Variants in TOM1L2 observed in about 807,000 individuals in gnomAD.
TOM1L2 encodes the protein target of myb1 like 2 membrane trafficking protein.
In TOM1L2, 31 loss-of-function variants were observed where a neutral mutation model predicts 67.9. That is an observed-to-expected ratio of 0.46 (90% CI 0.34 to 0.62). The LOEUF (loss-of-function observed/expected upper bound fraction) is 0.62, where lower values mean the gene tolerates loss of function less well. Among genes scored for constraint, TOM1L2 ranks in the 20% least tolerant of loss-of-function variants. TOM1L2 has a pLI of 0.01. For synonymous variants in TOM1L2, 256 were observed against 254.0 expected (o/e 1.01, Z -0.07); for missense variants, 606 against 663.5 (o/e 0.91, Z 0.95).
intron 3 of TOM1L2, among the ~76,000 whole-genome samples, chr17:17,897,052 C>T (rs1032078160): frequency 6.6e-6 from 1 of 152,210 alleles, no homozygotes; most frequent in East Asian, 1.9e-4. Flanking sequence ...CAGTGTCCAT[C>T]ATGCCCTGCT....
At chr17:17,945,603 C>T (rs868277515) in intron 1 of TOM1L2, among the ~76,000 whole-genome samples, 55 of 152,174 alleles carry the variant, frequency 3.6e-4, no homozygotes, top group African/African-American at 1.2e-3. Context: ...TACCCATCTT[C>T]TCTCTATTTA....
chr17:17,919,997 C>T (rs546225945), intron 1 of TOM1L2, among the ~76,000 whole-genome samples: 56 of 152,120 alleles, frequency 3.7e-4, no homozygotes, highest in Non-Finnish European at 7.3e-4. Context: ...GTAAGCCTGG[C>T]CTTGGACCCT....
chr17:17,857,953 C>A (rs1025782183), intron 12 of TOM1L2: 1 of 1,132,148 alleles, frequency 8.8e-7, no homozygotes, highest in Admixed American at 2.0e-5. Flanking sequence ...TCCTTTGCCA[C>A]GTAAGGAAAT....
chr17:17,858,456 A>G (rs2036370606), intron 12 of TOM1L2: 1 of 152,198 alleles, frequency 6.6e-6, no homozygotes, highest in African/African-American at 2.4e-5. Context: ...TTGCTCTGTC[A>G]CCCAGCCTGG....
intron 1 of TOM1L2, among the ~76,000 whole-genome samples, chr17:17,960,965 A>G (rs561829268): frequency 6.6e-6 from 1 of 152,360 alleles, no homozygotes; most frequent in Admixed American, 6.5e-5. Context: ...TTTGTGCATT[A>G]AAGGACACTA....
Position 17,972,304 on chromosome 17 carries a change from G to A in TOM1L2, c.10C>T (p.Leu4Phe). Residue 4 changes from leucine to phenylalanine, a missense_variant, in exon 1 of 15, where the codon CTC (leucine) becomes TTC (phenylalanine). Physicochemically the swap from Leu to Phe is conservative, Grantham distance 22. Coordinates refer to ENST00000379504, the MANE Select transcript of TOM1L2 (RefSeq NM_001082968.2). MEFLLGNPFSTPVG... is the reference protein window; with the variant it reads MEFFLGNPFSTPVG... Reference sequence around the variant, plus strand: ...GGTGTGCTGAACGGGTTCCCCAGGAGGAACTCCATCTTGGGTGGACAACAC... The same window carrying A: ...GGTGTGCTGAACGGGTTCCCCAGGAAGAACTCCATCTTGGGTGGACAACAC... The A allele has an allele frequency of 1.3e-6, 2 of 1,551,776 alleles. No homozygotes were observed. Among genetic ancestry groups the A allele is most frequent in the Non-Finnish European group, 1.7e-6 (2 of 1,148,254 alleles).
chr17:17,887,063 C>T (rs919111986), intron 4 of TOM1L2, among the ~76,000 whole-genome samples: 2 of 152,252 alleles, frequency 1.3e-5, no homozygotes, highest in African/African-American at 4.8e-5. Flanking sequence ...ATTTGGAAGG[C>T]CTTCCTGATA....
At chr17:17,904,835 C>T (rs2039017242) in intron 2 of TOM1L2, among the ~76,000 whole-genome samples, 1 of 152,208 alleles carries the variant, frequency 6.6e-6, no homozygotes, top group Admixed American at 6.5e-5. Flanking sequence ...TTTCTCCTGC[C>T]ATCCTGGAAG....
chr17:17,922,987 C>T (rs555904865), intron 1 of TOM1L2, among the ~76,000 whole-genome samples: 228 of 152,242 alleles, frequency 1.5e-3, no homozygotes, highest in African/African-American at 5.1e-3. Context: ...AACCAGGGAC[C>T]GCAGGCATCA....
chr17:17,870,118 T>C (rs1236300048), intron 7 of TOM1L2, among the ~76,000 whole-genome samples: 1 of 152,202 alleles, frequency 6.6e-6, no homozygotes, highest in African/African-American at 2.4e-5. Flanking sequence ...GTGTATTTTA[T>C]GACTGCATTA....
chr17:17,860,632 C>G (rs1330219299), intron 12 of TOM1L2, among the ~76,000 whole-genome samples: 1 of 152,242 alleles, frequency 6.6e-6, no homozygotes, highest in Non-Finnish European at 1.5e-5. Flanking sequence ...TCTAGCCCAG[C>G]TGGGGGACCC....
intron 1 of TOM1L2, among the ~76,000 whole-genome samples, chr17:17,958,733 C>T (rs2041568842): frequency 6.6e-6 from 1 of 152,162 alleles, no homozygotes; most frequent in South Asian, 2.1e-4. Context: ...TCACCCAAAA[C>T]CCCTGGAATC....
intron 5 of TOM1L2, 78 bp from the exon 6 acceptor site, chr17:17,882,941 C>A: frequency 2.6e-6 from 4 of 1,557,036 alleles, no homozygotes; most frequent in Non-Finnish European, 3.5e-6. Context: ...CCACCCCATG[C>A]AGCACTTCCC....
rs1327428080 is a variant in TOM1L2, at chr17:17,945,969, G to A, written c.52+26293C>T. Among the ~76,000 whole-genome samples the A allele has an allele frequency of 2.6e-5, 4 of 152,068 alleles. No homozygotes were observed. In the East Asian group the frequency reaches 7.7e-4, roughly 29 times the overall value. ...CTGCAGTCTCAACCTCCCGGGCTCA[G>A]GTGATCCTCCCACCTCAGCCTCATG... On this transcript the variant is annotated intron_variant, in intron 1 of 14. Transcript: ENST00000379504.
At chr17:17,927,617 A>G (rs1051926030) in intron 1 of TOM1L2, among the ~76,000 whole-genome samples, 2 of 151,678 alleles carry the variant, frequency 1.3e-5, no homozygotes, top group African/African-American at 4.8e-5. Context: ...GATATTAAGG[A>G]TTATGATTAA....
At position 17,869,002 on chromosome 17, in the gene TOM1L2, C is replaced by G. The variant is rs376062118; in HGVS notation, c.911+338G>C. On this transcript the variant is annotated intron_variant, in intron 8 of 14. Coordinates refer to ENST00000379504, the MANE Select transcript of TOM1L2 (RefSeq NM_001082968.2). ...CAAATTCAAAGGATCATCAAAGGAGCAGGTGCAGAAGCTCTGGGGCCCAGA... is the reference window on the plus strand; with the variant it reads ...CAAATTCAAAGGATCATCAAAGGAGGAGGTGCAGAAGCTCTGGGGCCCAGA... The G allele has an allele frequency of 7.1e-4, 152 of 213,780 alleles. 2 individuals are homozygous for G. The South Asian group carries it at 0.014, about 19-fold the overall frequency. 13.2% of individuals were successfully genotyped at this position (213,780 alleles called of 1,614,324 possible).
chr17:17,929,752 C>T (rs969567130), intron 1 of TOM1L2, among the ~76,000 whole-genome samples: 1 of 152,162 alleles, frequency 6.6e-6, no homozygotes, highest in South Asian at 2.1e-4. Context: ...TCTGATAAGA[C>T]CTTTCCAGAG....
chr17:17,953,315 T>C (rs1335679002), intron 1 of TOM1L2, among the ~76,000 whole-genome samples: 3 of 152,180 alleles, frequency 2.0e-5, no homozygotes, highest in African/African-American at 7.2e-5. Flanking sequence ...AATGTTATGT[T>C]ATGTGTATTT....
intron 1 of TOM1L2, among the ~76,000 whole-genome samples, chr17:17,918,656 C>T (rs1238766842): frequency 1.3e-5 from 2 of 152,232 alleles, no homozygotes; most frequent in African/African-American, 4.8e-5. Context: ...TAGCTCCCAT[C>T]CAACGTCCTC....
Sources: gnomAD v4.1 joint callset for allele counts (sites outside exome capture counted in the v4.1 genomes callset) on GRCh38, gnomAD v4.1.1 for gene constraint, MANE v1.5 for transcripts, NCBI Gene and HGNC (gene_info 2026-07-23, HGNC 2026-07-21) for gene names.